The following UNC80 variants were observed in gnomAD, a reference collection of about 807,000 sequenced individuals.
UNC80 encodes protein unc-80 homolog.
In UNC80, 164 loss-of-function variants were observed where a neutral mutation model predicts 384.6. The observed-to-expected ratio is 0.43, with a 90% CI of 0.38 to 0.49. UNC80 has a LOEUF of 0.49. Ranked by LOEUF, UNC80 falls within the 20% of genes least tolerant of loss-of-function variation. UNC80 has a pLI of 0.00. For missense variants in UNC80, 3,330 were observed against 4,143.0 expected (o/e 0.80, Z 5.39); for synonymous variants, 1,486 against 1,527.8 (o/e 0.97, Z 0.64).
chr2:209,834,262 T>TCAGCA (rs1465168525), intron 17 of UNC80, 94 bp downstream of exon 17: 37 of 1,350,746 alleles, frequency 2.7e-5, no homozygotes, highest in Middle Eastern at 4.6e-4. Context: ...TGCTGAAATG[T>TCAGCA]CAGCATAGGA....
At chr2:209,833,324 A>T (rs2081124296) in intron 16 of UNC80, among the ~76,000 whole-genome samples, 1 of 151,164 alleles carries the variant, frequency 6.6e-6, no homozygotes, top group Admixed American at 6.6e-5. Flanking sequence ...TCATGAGCAG[A>T]GAGAGAGGGG....
Position 209,813,753 on chromosome 2 carries a change from C to A in UNC80, c.1112C>A (p.Pro371Gln). Residue 371 changes from proline (P) to glutamine (Q), a missense_variant, in exon 8 of 65, where the codon CCG becomes CAG. Pro to Gln is a moderately conservative substitution (Grantham distance 76, BLOSUM62 -1). Coordinates refer to ENST00000673920, the MANE Select transcript of UNC80 (RefSeq NM_001371986.1). ...TTGGAAGAGAAGCCAGAAAAGCCTC[C>A]GGAGCCAGATATTCCTCTCCTGCCC... ...HMLEEKPEKP[P>Q]EPDIPLLPRP... is the part of the protein sequence containing the mutation. 2 of 1,551,864 alleles carry A rather than the reference C, an allele frequency of 1.3e-6. No homozygotes were observed. The highest frequency in any genetic ancestry group is 1.7e-6 in the Non-Finnish European group (2 of 1,147,028).
In UNC80 at chr2:209,866,525, C is replaced by CAT. The variant is rs1308031478; in HGVS notation, c.3628-6232_3628-6231insTA. On this transcript the variant is annotated intron_variant, in intron 22 of 64. Transcript: ENST00000673920. ...ACACACACACACACACACACACACA[C>CAT]ACACACACAGAGAGAGAGAGAGAGA... Among the ~76,000 whole-genome samples the CAT allele has an allele frequency of 5.5e-3, 605 of 110,108 alleles. 5 individuals are homozygous for CAT. The highest frequency in any genetic ancestry group is 0.024 in the Middle Eastern group (6 of 248). The allele number at this position is 110,108 out of a possible 152,430, so 72.2% of individuals were successfully genotyped here.
At position 209,970,719 on chromosome 2, in the gene UNC80, A is replaced by G. The variant is rs190510973; in HGVS notation, c.8131-113A>G. On this transcript the variant is annotated intron_variant, in intron 53 of 64. Coordinates refer to ENST00000673920, the MANE Select transcript of UNC80 (RefSeq NM_001371986.1). Reference sequence around the variant, plus strand: ...CAAGAAAGAAAAGATTGAAAGTAACATGTCCAACCTTCAATTTATCATTTT... The same window carrying G: ...CAAGAAAGAAAAGATTGAAAGTAACGTGTCCAACCTTCAATTTATCATTTT... 114 of 1,320,506 alleles carry G rather than the reference A, an allele frequency of 8.6e-5. No individual in the cohort carries two copies. In the East Asian group the frequency reaches 2.8e-3, roughly 33 times the overall value. The allele number at this position is 1,320,506 out of a possible 1,614,324, so 81.8% of individuals were successfully genotyped here. A position where few individuals can be genotyped will look rare whatever the true frequency, so the allele number is the denominator to read the frequency against.
chr2:209,894,160 C>T lies in UNC80; in HGVS notation c.4277-3C>T. 1.0e-6 allele frequency: 1 copy of T among 985,298 alleles called. No homozygotes were observed. The highest frequency in any genetic ancestry group is 1.2e-6 in the Non-Finnish European group (1 of 829,882). 61.0% of individuals were successfully genotyped at this position (985,298 alleles called of 1,614,324 possible). ...AAAGCCCTATTTTATTCTTTTAATA[C>T]AGTTCCCAGCAGGAAGATCAGGATA... On this transcript the variant is annotated splice_polypyrimidine_tract_variant and splice_region_variant and intron_variant, in intron 26 of 64. Coordinates refer to ENST00000673920, the MANE Select transcript of UNC80 (RefSeq NM_001371986.1).
intron 7 of UNC80, among the ~76,000 whole-genome samples, chr2:209,810,565 CCTT>C (rs200097906): frequency 0.011 from 1,691 of 152,244 alleles, 31 homozygotes; most frequent in African/African-American, 0.037. Flanking sequence ...TCCTTCGTAT[CCTT>C]CTTGGAAGGA....
chr2:209,872,735 C>A lies in UNC80; in HGVS notation c.3628-23C>A, dbSNP rs778618601. On this transcript the variant is annotated intron_variant, in intron 22 of 64. Transcript: ENST00000673920. This position sits in a 1 kb window ranked among gnomAD's most constrained non-coding sequence, Gnocchi z 4.1. Reference sequence around the variant, plus strand: ...TATTGTTCATTAATCCCACATTATTCTTTCCTAAACAACCCTACACAGGAA... The same window carrying A: ...TATTGTTCATTAATCCCACATTATTATTTCCTAAACAACCCTACACAGGAA... 9.1e-6 allele frequency: 14 copies of A among 1,542,910 alleles called. No individual in the cohort carries two copies. Among genetic ancestry groups the A allele is most frequent in the African/African-American group, 1.4e-5 (1 of 72,850 alleles).
intron 22 of UNC80, among the ~76,000 whole-genome samples, chr2:209,861,288 G>A (rs890501553): frequency 1.1e-4 from 16 of 152,266 alleles, no homozygotes; most frequent in Admixed American, 1.0e-3. Flanking sequence ...AGGCCTTTCT[G>A]CACCTATTGA....
chr2:209,788,537 A>G (rs1458094680), intron 5 of UNC80, among the ~76,000 whole-genome samples: 1 of 148,038 alleles, frequency 6.8e-6, no homozygotes, highest in Non-Finnish European at 1.5e-5. Context: ...ACATACTAGT[A>G]TATATAATAA....
intron 12 of UNC80, among the ~76,000 whole-genome samples, chr2:209,819,544 G>A (rs2079992031): frequency 6.6e-6 from 1 of 151,296 alleles, no homozygotes; most frequent in African/African-American, 2.4e-5. Flanking sequence ...ATACGTGTGT[G>A]TTTAATAAGT....
chr2:209,872,976 C>T lies in UNC80; in HGVS notation c.3840+6C>T, dbSNP rs1559238602. 6.4e-7 allele frequency: 1 copy of T among 1,551,324 alleles called. No individual in the cohort carries two copies. The highest frequency in any genetic ancestry group is 1.2e-5 in the South Asian group (1 of 84,032). On this transcript the variant is annotated splice_donor_region_variant and intron_variant, in intron 23 of 64. Coordinates refer to ENST00000673920, the MANE Select transcript of UNC80 (RefSeq NM_001371986.1). The surrounding 1 kb of genome is among the most constrained non-coding windows in gnomAD (Gnocchi z 4.1). ...TCTTCTACCAATGGGGAGACGTGAG[C>T]TTTCGGTTTTCTTCTATAACAATTA...
intron 22 of UNC80, among the ~76,000 whole-genome samples, chr2:209,860,352 T>G (rs1022940358): frequency 5.9e-5 from 9 of 152,200 alleles, no homozygotes; most frequent in African/African-American, 1.9e-4. Flanking sequence ...ATGTGTGGTG[T>G]TATTTCCGAG....
chr2:209,807,168 T>A (rs2078951942), intron 7 of UNC80, among the ~76,000 whole-genome samples: 1 of 152,218 alleles, frequency 6.6e-6, no homozygotes, highest in Non-Finnish European at 1.5e-5. Flanking sequence ...CAGGTAGCTA[T>A]AAACATTAAT....
rs573080861 is a variant in UNC80 at position 209,805,117 on chromosome 2, A to G, written c.939-8463A>G. Among the ~76,000 whole-genome samples the G allele has an allele frequency of 2.2e-4, 33 of 152,290 alleles. No homozygotes were observed. In the East Asian group the frequency reaches 6.0e-3, roughly 28 times the overall value. On this transcript the variant is annotated intron_variant, in intron 7 of 64. Coordinates refer to ENST00000673920, the MANE Select transcript of UNC80 (RefSeq NM_001371986.1). ...CTTTAGTTCATAACTTTTCTCCCTC[A>G]ACTTACTATAAGAGCAAGAAGAAAT...
chr2:209,776,162 C>T lies in UNC80; in HGVS notation c.298+117C>T. 4 of 1,282,680 alleles carry T rather than the reference C, an allele frequency of 3.1e-6. No individual in the cohort carries two copies. The South Asian group carries it at 7.6e-5, about 24-fold the overall frequency. 79.5% of individuals were successfully genotyped at this position (1,282,680 alleles called of 1,614,324 possible). The stretch of plus-strand genomic sequence containing the variant: ...CTCAAGCACTGTGCATATATTATCT[C>T]ATTTAATTATCACAAAATCCTCCTC... On this transcript the variant is annotated intron_variant, in intron 3 of 64. Coordinates refer to ENST00000673920, the MANE Select transcript of UNC80 (RefSeq NM_001371986.1).
At chr2:209,794,885 G>C in intron 7 of UNC80, 1 of 428,036 alleles carries the variant, frequency 2.3e-6, no homozygotes, top group South Asian at 1.7e-5. Flanking sequence ...TCCCAGTTTG[G>C]GGTATTTATC....
chr2:209,801,689 CTTTT>C (rs56931388), intron 7 of UNC80, among the ~76,000 whole-genome samples: 1 of 115,142 alleles, frequency 8.7e-6, no homozygotes, highest in Admixed American at 9.7e-5. Flanking sequence ...CCAACCCCTG[CTTTT>C]TTTTTTTTTT....
At chr2:209,979,820 A>G (rs969481877) in intron 59 of UNC80, among the ~76,000 whole-genome samples, 4 of 152,238 alleles carry the variant, frequency 2.6e-5, no homozygotes, top group Non-Finnish European at 4.4e-5. Flanking sequence ...ATCTTCACTC[A>G]GAGGCTCTCC....
chr2:209,943,586 T>G, intron 45 of UNC80, 72 bp downstream of exon 45: 1 of 1,516,988 alleles, frequency 6.6e-7, no homozygotes, highest in East Asian at 2.5e-5. Context: ...TTATTAGAGC[T>G]TACTATGGCA....
Sources: gnomAD v4.1 joint callset for allele counts (sites outside exome capture counted in the v4.1 genomes callset) on GRCh38, gnomAD v4.1.1 for gene constraint, Gnocchi (gnomAD v3.1) non-coding constraint, MANE v1.5 for transcripts, NCBI Gene and HGNC (gene_info 2026-07-23, HGNC 2026-07-21) for gene names.